RUNX1T1: variants seen among roughly 807,000 people sequenced by gnomAD.
RUNX1T1 encodes RUNX1 partner transcriptional co-repressor 1, also known as protein CBFA2T1.
Under a neutral mutation model 62.8 loss-of-function variants are expected in RUNX1T1, and 4 were observed. The observed-to-expected ratio is 0.06, with a 90% CI of 0.03 to 0.15. RUNX1T1 has a LOEUF of 0.15. Among genes scored for constraint, RUNX1T1 ranks in the 10% least tolerant of loss-of-function variants. The probability of loss-of-function intolerance (pLI) is 1.00; values close to 1 mark genes in which losing one functional copy is unlikely to be tolerated. For synonymous variants in RUNX1T1, 291 were observed against 286.0 expected (o/e 1.02, Z -0.18); for missense variants, 508 against 754.3 (o/e 0.67, Z 3.82).
intron 2 of RUNX1T1, 143 bp downstream of exon 3, chr8:92,017,083 C>A (rs1241002953): frequency 4.7e-6 from 3 of 642,906 alleles, no homozygotes; most frequent in Non-Finnish European, 8.2e-6. Flanking sequence ...TACCTACTTA[C>A]TGGCAAACAA....
intron 9 of RUNX1T1, among the ~76,000 whole-genome samples, chr8:91,975,450 A>G (rs1319913351): frequency 1.3e-5 from 2 of 151,820 alleles, no homozygotes; most frequent in Non-Finnish European, 1.5e-5. Context: ...TTATCTGAGT[A>G]CTTTAACAAG....
exon 11 of RUNX1T1, chr8:91,959,209 GA>G: frequency 4.6e-6 from 1 of 218,042 alleles, no homozygotes. Flanking sequence ...GGGTGGGGTT[GA>G]AAAATTTTGG....
chr8:92,081,317 T>TTC, intron 1 of RUNX1T1: 3 of 756,916 alleles, frequency 4.0e-6, no homozygotes, highest in Non-Finnish European at 3.2e-6. Flanking sequence ...AGTACCTATT[T>TTC]TAATATAATT....
chr8:92,017,242 T>C (rs1310346612), exon 2 of RUNX1T1: 1 of 1,612,458 alleles, frequency 6.2e-7, no homozygotes, highest in Non-Finnish European at 8.5e-7. Context: ...TCGGTGTAAA[T>C]GAACTGGTTC....
chr8:92,018,719 T>C (rs1369083159), intron 1 of RUNX1T1, among the ~76,000 whole-genome samples: 1 of 152,256 alleles, frequency 6.6e-6, no homozygotes, highest in African/African-American at 2.4e-5. Context: ...AAGCAATTGC[T>C]TAACACTTGG....
chr8:92,023,363 A>G (rs1335278431), intron 1 of RUNX1T1, among the ~76,000 whole-genome samples: 1 of 152,176 alleles, frequency 6.6e-6, no homozygotes, highest in Non-Finnish European at 1.5e-5. Flanking sequence ...CACAAAGATG[A>G]CCACCCTGAA....
At chr8:92,098,367 A>G (rs1473763672) in intron 1 of RUNX1T1, among the ~76,000 whole-genome samples, 1 of 152,234 alleles carries the variant, frequency 6.6e-6, no homozygotes, top group African/African-American at 2.4e-5. Context: ...AAAAAGAAAA[A>G]GCCTTTCCAA....
At chr8:92,004,725 A>C (rs2131018310) in intron 5 of RUNX1T1, 1 of 168,740 alleles carries the variant, frequency 5.9e-6, no homozygotes, top group South Asian at 1.6e-4. Context: ...TCACATTTTA[A>C]GGAAACTAGG....
downstream of RUNX1T1, chr8:91,958,838 GA>G (rs1346569916): frequency 5.2e-6 from 1 of 190,632 alleles, no homozygotes; most frequent in Non-Finnish European, 1.1e-5. Flanking sequence ...AGCATTCCGT[GA>G]AGCATGCTGG....
At chr8:92,079,041 T>C (rs1469340347) in intron 1 of RUNX1T1, among the ~76,000 whole-genome samples, 1 of 152,210 alleles carries the variant, frequency 6.6e-6, no homozygotes, top group East Asian at 1.9e-4. Context: ...CCCATTACTG[T>C]ATTTCTCAAT....
intron 1 of RUNX1T1, among the ~76,000 whole-genome samples, chr8:92,055,449 A>G (rs1830883897): frequency 6.6e-6 from 1 of 152,102 alleles, no homozygotes; most frequent in East Asian, 1.9e-4. Flanking sequence ...TTAATTTATT[A>G]ATTTTTTTTT....
chr8:91,956,676 A>G (rs1461133551), downstream of RUNX1T1: 1 of 226,112 alleles, frequency 4.4e-6, no homozygotes, highest in Non-Finnish European at 8.8e-6. Context: ...TGACAAAAGC[A>G]TGATGCCTAG....
intron 1 of RUNX1T1, among the ~76,000 whole-genome samples, chr8:92,041,233 G>C (rs947819004): frequency 1.2e-5 from 1 of 86,678 alleles, no homozygotes; most frequent in Non-Finnish European, 2.4e-5. Flanking sequence ...AAGCCAAGGG[G>C]CATGCATGAT....
intron 8 of RUNX1T1, chr8:91,977,056 A>G (rs1814126252): frequency 5.2e-6 from 1 of 191,530 alleles, no homozygotes; most frequent in African/African-American, 2.3e-5. Context: ...GTGCTACACA[A>G]TGTCAAAAAT....
intron 1 of RUNX1T1, among the ~76,000 whole-genome samples, chr8:92,030,250 C>T (rs1311744577): frequency 6.6e-6 from 1 of 152,098 alleles, no homozygotes; most frequent in Non-Finnish European, 1.5e-5. Flanking sequence ...TTTTGTAGAG[C>T]TTACCACAAC....
chr8:92,088,775 G>A (rs1380269900), intron 1 of RUNX1T1, among the ~76,000 whole-genome samples: 1 of 152,056 alleles, frequency 6.6e-6, no homozygotes, highest in African/African-American at 2.4e-5. Flanking sequence ...TTACTGCTCT[G>A]ACACTGTTTC....
intron 1 of RUNX1T1, among the ~76,000 whole-genome samples, chr8:92,080,228 G>C (rs2130809148): frequency 6.6e-6 from 1 of 152,222 alleles, no homozygotes; most frequent in East Asian, 1.9e-4. Context: ...TCAATGAAAT[G>C]CCACAAAAGC....
At chr8:91,990,720 T>C (rs1466433973) in intron 6 of RUNX1T1, among the ~76,000 whole-genome samples, 2 of 151,844 alleles carry the variant, frequency 1.3e-5, no homozygotes, top group Non-Finnish European at 2.9e-5. Flanking sequence ...TGCAGTGGCA[T>C]GATCTCATCT....
chr8:91,991,875 C>A, exon 6 of RUNX1T1: 2 of 1,614,074 alleles, frequency 1.2e-6, no homozygotes, highest in Non-Finnish European at 1.7e-6. Context: ...TCTGTCAAAG[C>A]CATTTTCTTT....
Sources: allele counts gnomAD v4.1 joint callset (sites outside exome capture counted in the v4.1 genomes callset), GRCh38; gene constraint gnomAD v4.1.1; transcripts MANE v1.5; gene names NCBI Gene and HGNC (gene_info 2026-07-23, HGNC 2026-07-21).